Variants in STXBP6 observed in about 807,000 individuals in gnomAD.
STXBP6 encodes syntaxin binding protein 6, also known as syntaxin-binding protein 6.
Under a neutral mutation model 26.9 loss-of-function variants are expected in STXBP6, and 21 were observed. That is an observed-to-expected ratio of 0.78 (90% CI 0.55 to 1.12). The LOEUF (loss-of-function observed/expected upper bound fraction) is 1.12. STXBP6 is among the 50% of genes most tolerant of loss of function. The pLI is 0.00. For missense variants in STXBP6, 232 were observed against 257.9 expected (o/e 0.90, Z 0.69); for synonymous variants, 97 against 92.6 (o/e 1.05, Z -0.27).
At position 24,961,298 on chromosome 14, in the gene STXBP6, A is replaced by G. The variant is rs1003953153; in HGVS notation, c.154+13367T>C. ...AGGTGGGAGAAGGGAGAGGAACAGAAAAAATAACTATTGGGTAATAGGCTT... is the reference window on the plus strand; with the variant it reads ...AGGTGGGAGAAGGGAGAGGAACAGAGAAAATAACTATTGGGTAATAGGCTT... On this transcript the variant is annotated intron_variant, in intron 2 of 5. Transcript: ENST00000323944. Among the ~76,000 whole-genome samples, 3 of 152,258 alleles carry G rather than the reference A, an allele frequency of 2.0e-5. No homozygotes were observed. In the East Asian group the frequency reaches 5.8e-4, roughly 29 times the overall value.
chr14:24,989,500 A>T (rs987177801), intron 1 of STXBP6, among the ~76,000 whole-genome samples: 1 of 152,226 alleles, frequency 6.6e-6, no homozygotes. Context: ...TCATCTTAGA[A>T]TTTTATAAAG....
chr14:24,977,570 TTTA>T (rs575922260), intron 1 of STXBP6, among the ~76,000 whole-genome samples: 9 of 152,142 alleles, frequency 5.9e-5, no homozygotes, highest in Admixed American at 2.6e-4. Context: ...AGACCCTTAG[TTTA>T]TTAACTACAA....
intron 1 of STXBP6, among the ~76,000 whole-genome samples, chr14:24,999,950 A>C (rs1199891479): frequency 1.3e-5 from 2 of 152,174 alleles, no homozygotes; most frequent in African/African-American, 4.8e-5. Flanking sequence ...AGATGCTAAT[A>C]TGTTAGGTTG....
intron 2 of STXBP6, among the ~76,000 whole-genome samples, chr14:24,956,276 G>T (rs935664088): frequency 1.3e-5 from 2 of 152,134 alleles, no homozygotes; most frequent in African/African-American, 4.8e-5. Context: ...ACAGAGACTG[G>T]CCACACCCAC....
At chr14:24,905,119 A>C (rs986917213) in intron 2 of STXBP6, among the ~76,000 whole-genome samples, 4 of 152,152 alleles carry the variant, frequency 2.6e-5, no homozygotes, top group Admixed American at 6.5e-5. Flanking sequence ...GGTTTGTATA[A>C]GTTTTTCACT....
At chr14:24,933,474 A>G (rs560936983) in intron 2 of STXBP6, among the ~76,000 whole-genome samples, 45 of 152,366 alleles carry the variant, frequency 3.0e-4, no homozygotes, top group African/African-American at 9.6e-4. Context: ...GCAAGGAGAC[A>G]GAAGAAATGG....
intron 2 of STXBP6, among the ~76,000 whole-genome samples, chr14:24,889,428 GGGGGGA>G (rs938940893): frequency 6.7e-5 from 7 of 104,940 alleles, no homozygotes; most frequent in African/African-American, 2.6e-4. Flanking sequence ...GGTGGGGGGA[GGGGGGA>G]GGGATAGCAT....
At chr14:25,000,425 C>T (rs2074730934) in intron 1 of STXBP6, among the ~76,000 whole-genome samples, 1 of 150,458 alleles carries the variant, frequency 6.6e-6, no homozygotes. Flanking sequence ...CTATGATTTG[C>T]CAATGGCTGG....
chr14:24,835,527 A>G (rs1252111246), intron 4 of STXBP6, among the ~76,000 whole-genome samples: 1 of 152,232 alleles, frequency 6.6e-6, no homozygotes, highest in East Asian at 1.9e-4. Context: ...AGAAGTATGT[A>G]ATGAATAAAA....
Position 24,995,491 on chromosome 14 carries a change from A to C in STXBP6, c.-32-20641T>G, listed in dbSNP as rs190474374. On this transcript the variant is annotated intron_variant, in intron 1 of 5. Coordinates refer to ENST00000323944, the MANE Select transcript of STXBP6 (RefSeq NM_001394410.1). ...GAGAATGTATAGATTAATTCCTACT[A>C]GGGAGATTTGGAAATACTTCTTAAA... Among the ~76,000 whole-genome samples the C allele has an allele frequency of 9.9e-5, 15 of 152,234 alleles. No individual in the cohort carries two copies. The East Asian group carries it at 2.7e-3, about 27-fold the overall frequency.
At chr14:24,986,561 A>G (rs2034043829) in intron 1 of STXBP6, among the ~76,000 whole-genome samples, 1 of 152,176 alleles carries the variant, frequency 6.6e-6, no homozygotes, top group Admixed American at 6.5e-5. Flanking sequence ...CTCAGTACCT[A>G]TTCCAGGCCC....
intron 1 of STXBP6, among the ~76,000 whole-genome samples, chr14:25,018,611 A>G (rs866263033): frequency 1.3e-5 from 2 of 152,166 alleles, no homozygotes; most frequent in Admixed American, 6.5e-5. Flanking sequence ...GAATGTTGGC[A>G]TAGCAGGAAA....
chr14:24,946,928 C>A (rs918533402), intron 2 of STXBP6, among the ~76,000 whole-genome samples: 12 of 152,006 alleles, frequency 7.9e-5, no homozygotes, highest in African/African-American at 2.7e-4. Flanking sequence ...GATGACTGGG[C>A]CCAGGATTTT....
intron 3 of STXBP6, 125 bp from the exon 4 acceptor site, chr14:24,856,226 T>C: frequency 1.0e-6 from 1 of 957,122 alleles, no homozygotes; most frequent in East Asian, 2.8e-5. Flanking sequence ...AGGCTCATCT[T>C]TATCCAAGTG....
At position 24,812,562 on chromosome 14, in the gene STXBP6, T is replaced by C. The variant is rs1404114036; in HGVS notation, c.*147A>G. On this transcript the variant is annotated 3_prime_UTR_variant, in exon 6 of 6. Transcript: ENST00000323944. ...AAAATGCAACACCCTTTCTTTCACA[T>C]TAACATCTGAAAAGAAAAAACAAAA... is the stretch of plus-strand genomic sequence containing the variant. 4.3e-6 allele frequency: 3 copies of C among 693,570 alleles called. No homozygotes were observed. The highest frequency in any genetic ancestry group is 7.4e-6 in the Non-Finnish European group (3 of 407,166). The allele number at this position is 693,570 out of a possible 1,614,324, so 43.0% of individuals were successfully genotyped here.
intron 1 of STXBP6, among the ~76,000 whole-genome samples, chr14:24,976,717 T>C (rs1191280810): frequency 6.6e-6 from 1 of 152,206 alleles, no homozygotes; most frequent in Non-Finnish European, 1.5e-5. Flanking sequence ...TACTGGTTAT[T>C]TTCTAGCTCC....
At chr14:25,032,763 G>A (rs2075482491) in intron 1 of STXBP6, among the ~76,000 whole-genome samples, 1 of 152,214 alleles carries the variant, frequency 6.6e-6, no homozygotes, top group Non-Finnish European at 1.5e-5. Flanking sequence ...CAGAAGGTTA[G>A]TGTTACTAGG....
rs571449082 is a variant in STXBP6 at position 24,847,302 on chromosome 14, TAG to T, written c.451+8632_451+8633del. ...ACAGCTTTTAAATGCCAGTGGATGG[TAG>T]AGTTTTTACTGCCTACGTGAAATAA... On this transcript the variant is annotated intron_variant, in intron 4 of 5. Coordinates refer to ENST00000323944, the MANE Select transcript of STXBP6 (RefSeq NM_001394410.1). Among the ~76,000 whole-genome samples, 75 of 152,272 alleles carry T rather than the reference TAG, an allele frequency of 4.9e-4. 3 individuals carry two copies. The South Asian group carries it at 0.015, about 31-fold the overall frequency.
At chr14:24,869,717 C>T (rs1410488634) in intron 2 of STXBP6, among the ~76,000 whole-genome samples, 1 of 152,172 alleles carries the variant, frequency 6.6e-6, no homozygotes, top group Non-Finnish European at 1.5e-5. Context: ...CCACACACTT[C>T]CATCCACCTG....
Sources: gnomAD v4.1 joint callset for allele counts (sites outside exome capture counted in the v4.1 genomes callset) on GRCh38, gnomAD v4.1.1 for gene constraint, MANE v1.5 for transcripts, NCBI Gene and HGNC (gene_info 2026-07-23, HGNC 2026-07-21) for gene names.